ROCK1: variants seen among roughly 807,000 people sequenced by gnomAD.
The protein encoded by ROCK1 is Rho associated coiled-coil containing protein kinase 1, also known as rho-associated protein kinase 1.
A neutral mutation model predicts 196.8 loss-of-function variants in ROCK1; 36 were observed. That is an observed-to-expected ratio of 0.18 (90% confidence interval 0.14 to 0.24). The LOEUF is 0.24. Ranked by LOEUF, ROCK1 falls within the 10% of genes least tolerant of loss-of-function variation. The pLI is 1.00. For missense variants in ROCK1, 920 were observed against 1,562.0 expected (o/e 0.59, Z 6.93); for synonymous variants, 443 against 515.9 (o/e 0.86, Z 1.91).
At chr18:21,078,644 C>T (rs1311144154) in intron 1 of ROCK1, among the ~76,000 whole-genome samples, 1 of 152,150 alleles carries the variant, frequency 6.6e-6, no homozygotes, top group Non-Finnish European at 1.5e-5. Flanking sequence ...GTAGTCTCCA[C>T]CACAGGCTGG....
In ROCK1 at chr18:21,070,571, A is replaced by T; in HGVS notation, c.136T>A (p.Leu46Ile). ...TTGTCAATATTTTTGTTTTTTCTTA[A>T]GGCAGGAAAATCCAAATCATATACC... is the stretch of plus-strand genomic sequence containing the variant. The part of the protein sequence containing the change: ...ALVYDLDFPA[L>I]RKNKNIDNFL... The change falls in exon 2 of 33, where the codon TTA (leucine) becomes ATA (isoleucine). Residue 46 changes from leucine to isoleucine, a missense_variant. Coordinates refer to ENST00000399799, the MANE Select transcript of ROCK1 (RefSeq NM_005406.3). 2 of 1,606,136 alleles carry T rather than the reference A, an allele frequency of 1.2e-6. No homozygotes were observed. Among genetic ancestry groups the T allele is most frequent in the Non-Finnish European group, 8.5e-7 (1 of 1,175,354 alleles).
chr18:20,999,356 A>G (rs967240628), intron 16 of ROCK1, among the ~76,000 whole-genome samples: 2 of 152,190 alleles, frequency 1.3e-5, no homozygotes, highest in African/African-American at 4.8e-5. Context: ...ACATTAAGAA[A>G]AAGCCTCAGA....
At chr18:21,042,948 T>C (rs1198165133) in intron 6 of ROCK1, among the ~76,000 whole-genome samples, 1 of 152,150 alleles carries the variant, frequency 6.6e-6, no homozygotes, top group Non-Finnish European at 1.5e-5. Flanking sequence ...TGTGAATGCA[T>C]ATACACACAC....
chr18:21,110,219 A>C (rs922828367), intron 1 of ROCK1, among the ~76,000 whole-genome samples: 5 of 152,210 alleles, frequency 3.3e-5, no homozygotes, highest in African/African-American at 1.2e-4. Flanking sequence ...GTAACCAATA[A>C]TACAATAAAA....
chr18:20,985,712 T>C (rs2035572565), intron 19 of ROCK1, among the ~76,000 whole-genome samples: 1 of 152,164 alleles, frequency 6.6e-6, no homozygotes, highest in South Asian at 2.1e-4. Flanking sequence ...AATGACTGAA[T>C]ATTATCTTTC....
At chr18:20,995,430 A>G (rs1275328722) in intron 16 of ROCK1, among the ~76,000 whole-genome samples, 1 of 152,192 alleles carries the variant, frequency 6.6e-6, no homozygotes, top group Non-Finnish European at 1.5e-5. Flanking sequence ...ACCAACAATC[A>G]GCTTAGTGAT....
intron 22 of ROCK1, among the ~76,000 whole-genome samples, chr18:20,971,319 C>CACACACAT (rs2035424497): frequency 2.2e-5 from 1 of 46,374 alleles, no homozygotes; most frequent in Admixed American, 3.9e-4. Context: ...CACACACACA[C>CACACACAT]ACACACACAC....
chr18:21,036,743 T>C (rs1222330989), intron 9 of ROCK1, among the ~76,000 whole-genome samples: 2 of 152,076 alleles, frequency 1.3e-5, no homozygotes, highest in Non-Finnish European at 2.9e-5. Flanking sequence ...TATAATACTG[T>C]AGAACACTGT....
intron 27 of ROCK1, among the ~76,000 whole-genome samples, chr18:20,966,504 T>G (rs1188616383): frequency 1.3e-5 from 2 of 152,208 alleles, no homozygotes; most frequent in Non-Finnish European, 2.9e-5. Flanking sequence ...GTAGCTGCTG[T>G]GGTTCTGATG....
intron 8 of ROCK1, among the ~76,000 whole-genome samples, chr18:21,041,211 C>A (rs2036102465): frequency 6.9e-6 from 1 of 145,746 alleles, no homozygotes; most frequent in African/African-American, 2.5e-5. Context: ...GTGGGAGGAT[C>A]ACTTGATCCC....
intron 2 of ROCK1, among the ~76,000 whole-genome samples, chr18:21,067,432 G>C (rs912070556): frequency 2.7e-5 from 4 of 147,838 alleles, no homozygotes; most frequent in African/African-American, 1.0e-4. Flanking sequence ...TGTCGCCCAG[G>C]CTGGAGTGCA....
intron 2 of ROCK1, among the ~76,000 whole-genome samples, chr18:21,065,292 A>T (rs2036324576): frequency 6.6e-6 from 1 of 152,180 alleles, no homozygotes; most frequent in South Asian, 2.1e-4. Context: ...TATCACTACC[A>T]TAGCTATTAT....
At chr18:21,024,375 A>C (rs1390138136) in intron 10 of ROCK1, among the ~76,000 whole-genome samples, 3 of 152,204 alleles carry the variant, frequency 2.0e-5, no homozygotes, top group Non-Finnish European at 2.9e-5. Flanking sequence ...CAAACAATCT[A>C]AATAGATCAT....
intron 10 of ROCK1, 149 bp downstream of exon 10, chr18:21,028,627 T>C (rs566420969): frequency 5.0e-5 from 37 of 734,848 alleles, no homozygotes; most frequent in Non-Finnish European, 6.4e-5. Flanking sequence ...AAATTAAATA[T>C]GAAATACTGG....
intron 18 of ROCK1, 136 bp downstream of exon 18, chr18:20,991,040 A>C: frequency 3.0e-6 from 2 of 659,496 alleles, no homozygotes; most frequent in Non-Finnish European, 5.0e-6. Flanking sequence ...GATTACAGGC[A>C]TGAGCCACTG....
rs1452624211 is a variant in ROCK1 at position 21,028,814 on chromosome 18, T to C, written c.1173A>G (p.Gln391=). 5.0e-6 allele frequency: 8 copies of C among 1,612,740 alleles called. No individual in the cohort carries two copies. The highest frequency in any genetic ancestry group is 6.8e-6 in the Non-Finnish European group (8 of 1,179,636). The part of the protein sequence containing the change: ...FPIPKAFVGN[Q]LPFVGFTYYS... ...AATATGTAAATCCTACAAAAGGTAGTTGATTGCCAACGAAAGCTTTAGGAA... is the reference window on the plus strand; with the variant it reads ...AATATGTAAATCCTACAAAAGGTAGCTGATTGCCAACGAAAGCTTTAGGAA... Residue 391 remains glutamine (Q), a synonymous_variant, in exon 10 of 33, where the codon CAA becomes CAG. Transcript: ENST00000399799.
At chr18:21,042,052 A>G in intron 8 of ROCK1, 45 bp downstream of exon 8, 1 of 1,550,126 alleles carries the variant, frequency 6.5e-7, no homozygotes, top group Non-Finnish European at 8.7e-7. Flanking sequence ...GCAGAAGATG[A>G]GAAGTCCTCA....
chr18:21,002,604 TAACAAATG>T (rs1403800627), intron 16 of ROCK1, among the ~76,000 whole-genome samples: 1 of 152,112 alleles, frequency 6.6e-6, no homozygotes, highest in Non-Finnish European at 1.5e-5. Context: ...GTATTCCAAT[TAACAAATG>T]AAGGAAGATG....
At chr18:21,031,926 C>A (rs191759491) in intron 9 of ROCK1, among the ~76,000 whole-genome samples, 1 of 151,990 alleles carries the variant, frequency 6.6e-6, no homozygotes. Context: ...ATGAAATTAT[C>A]AAGTGTGAGG....
Sources: gnomAD v4.1 joint callset for allele counts (sites outside exome capture counted in the v4.1 genomes callset) on GRCh38, gnomAD v4.1.1 for gene constraint, MANE v1.5 for transcripts, NCBI Gene and HGNC (gene_info 2026-07-23, HGNC 2026-07-21) for gene names.